ZNF215: variants seen among roughly 807,000 people sequenced by gnomAD.
ZNF215 encodes the protein BWSCR2-associated zinc finger protein 2.
In ZNF215, 24 loss-of-function variants were observed where a neutral mutation model predicts 27.2. The ratio of observed to expected loss-of-function variants is 0.88; its 90% CI spans 0.64 to 1.24. The LOEUF (loss-of-function observed/expected upper bound fraction) is 1.24. Ranked by LOEUF, ZNF215 falls within the 50% of genes most tolerant of loss-of-function variation. The pLI, the probability that ZNF215 is intolerant of heterozygous loss-of-function variation, is 0.00. For missense variants in ZNF215, 675 were observed against 605.7 expected (o/e 1.11, Z -1.20); for synonymous variants, 210 against 204.0 (o/e 1.03, Z -0.25).
chr11:6,966,541 G>A (rs887790147), intron 5 of ZNF215, among the ~76,000 whole-genome samples: 61 of 152,112 alleles, frequency 4.0e-4, no homozygotes, highest in Non-Finnish European at 4.4e-4. Context: ...GGAATCTATA[G>A]GCATAATATT....
intron 6 of ZNF215, among the ~76,000 whole-genome samples, chr11:6,994,063 C>T (rs1851150327): frequency 6.6e-6 from 1 of 152,060 alleles, no homozygotes; most frequent in African/African-American, 2.4e-5. Flanking sequence ...TTCCTAAGTA[C>T]AAGAGGGCTG....
intron 5 of ZNF215, among the ~76,000 whole-genome samples, chr11:6,982,195 G>A (rs1232522520): frequency 5.3e-5 from 8 of 151,842 alleles, no homozygotes; most frequent in Non-Finnish European, 1.5e-5. Flanking sequence ...TAAATTACCC[G>A]GGGCAGTATG....
chr11:6,948,509 G>C (rs542468456), intron 6 of ZNF215, among the ~76,000 whole-genome samples: 1 of 152,108 alleles, frequency 6.6e-6, no homozygotes, highest in Non-Finnish European at 1.5e-5. Context: ...GAAAAGCAAA[G>C]ACTCAAAAAT....
chr11:6,971,382 C>T lies in ZNF215; in HGVS notation c.806-12747C>T, dbSNP rs891867682. Among the ~76,000 whole-genome samples, 9 of 152,086 alleles carry T rather than the reference C, an allele frequency of 5.9e-5. No individual in the cohort carries two copies. In the East Asian group the frequency reaches 1.7e-3, roughly 29 times the overall value. On this transcript the variant is annotated intron_variant, in intron 5 of 5. Coordinates refer to the ZNF215 transcript ENST00000529903. Reference sequence around the variant, plus strand: ...GTTGCTCCTTTGCATTTACATAGTTCTTTGGGCTAGCTTGTATTACAGTCT... The same window carrying T: ...GTTGCTCCTTTGCATTTACATAGTTTTTTGGGCTAGCTTGTATTACAGTCT...
rs541367410 is a variant in ZNF215 at position 6,943,108 on chromosome 11, T to C, written c.509T>C (p.Val170Ala). The C allele has an allele frequency of 6.2e-7, 1 of 1,613,730 alleles. No individual in the cohort carries two copies. The highest frequency in any genetic ancestry group is 8.5e-7 in the Non-Finnish European group (1 of 1,179,866). ...GAACCAGTGACATTCAAAGATGTGG[T>C]TGTGGAATTCAGCAAGGAAGAGTGG... ...PQEPVTFKDV[V>A]VEFSKEEWGQ... Residue 170 changes from valine to alanine, a missense_variant, in exon 5 of 7, where the codon GTT becomes GCT. By Grantham distance (64) the Val-to-Ala change is moderately conservative (BLOSUM62 0). Coordinates refer to ENST00000278319, the MANE Select transcript of ZNF215 (RefSeq NM_013250.4).
chr11:6,989,423 T>C (rs1851095172), downstream of ZNF215, among the ~76,000 whole-genome samples: 2 of 152,142 alleles, frequency 1.3e-5, no homozygotes, highest in Non-Finnish European at 2.9e-5. Flanking sequence ...GCTTCTGATA[T>C]ACTACTAGGC....
intron 6 of ZNF215, among the ~76,000 whole-genome samples, chr11:6,945,517 T>G (rs756018254): frequency 6.6e-6 from 1 of 152,220 alleles, no homozygotes; most frequent in Non-Finnish European, 1.5e-5. Context: ...GACATTCACC[T>G]GAAACAGTTG....
chr11:6,968,432 C>T (rs945929849), intron 5 of ZNF215, among the ~76,000 whole-genome samples: 13 of 151,920 alleles, frequency 8.6e-5, no homozygotes, highest in Admixed American at 7.2e-4. Flanking sequence ...GAATATTTTT[C>T]CATTTGTTTG....
In ZNF215 at chr11:6,943,655, A is replaced by G; in HGVS notation, c.712+14A>G. 2 of 1,577,364 alleles carry G rather than the reference A, an allele frequency of 1.3e-6. No individual in the cohort carries two copies. Among genetic ancestry groups the G allele is most frequent in the Non-Finnish European group, 1.7e-6 (2 of 1,147,558 alleles). The stretch of plus-strand genomic sequence containing the variant: ...AGACTATTTTTGGTAAGAACCAGGT[A>G]GATATGAGGCCATAGTAAGAAGCTT... On this transcript the variant is annotated intron_variant, in intron 6 of 6. Coordinates refer to ENST00000278319, the MANE Select transcript of ZNF215 (RefSeq NM_013250.4).
intron 5 of ZNF215, among the ~76,000 whole-genome samples, chr11:6,976,789 GTA>G (rs1013474708): frequency 6.6e-6 from 1 of 152,042 alleles, no homozygotes; most frequent in Non-Finnish European, 1.5e-5. Flanking sequence ...AAATACACAT[GTA>G]TATGTTTTCT....
intron 5 of ZNF215, among the ~76,000 whole-genome samples, chr11:6,979,861 T>C (rs913646463): frequency 1.3e-5 from 2 of 152,126 alleles, no homozygotes; most frequent in Admixed American, 1.3e-4. Flanking sequence ...AAATAAAACC[T>C]ACGTGACAGC....
At chr11:6,988,735 T>C (rs1851086722), downstream of ZNF215, 1 of 152,190 alleles carries the variant, frequency 6.6e-6, no homozygotes, top group South Asian at 2.1e-4. Flanking sequence ...TCATTAGGCT[T>C]CCTGGGGTTT....
chr11:6,989,786 A>C (rs557787672), downstream of ZNF215, among the ~76,000 whole-genome samples: 387 of 152,262 alleles, frequency 2.5e-3, 1 homozygote, highest in African/African-American at 8.8e-3. Context: ...ATCTGGTTCA[A>C]TTTTTATGTA....
At chr11:6,928,166 A>G (rs948868024) in intron 2 of ZNF215, among the ~76,000 whole-genome samples, 4 of 151,916 alleles carry the variant, frequency 2.6e-5, no homozygotes, top group African/African-American at 9.7e-5. Flanking sequence ...TTTATCAAGG[A>G]TTTTCTATTT....
intron 3 of ZNF215, among the ~76,000 whole-genome samples, chr11:6,933,666 G>A: frequency 6.6e-6 from 1 of 151,890 alleles, no homozygotes; most frequent in East Asian, 1.9e-4. Flanking sequence ...TGGTGGGCGG[G>A]CACCTGTAGT....
chr11:6,985,842 T>C (rs1000246837), downstream of ZNF215, among the ~76,000 whole-genome samples: 1 of 151,960 alleles, frequency 6.6e-6, no homozygotes, highest in African/African-American at 2.4e-5. Context: ...AGGTGAAGAA[T>C]CTCTACAAGG....
In ZNF215 at chr11:6,957,291, C is replaced by G; in HGVS notation, c.*760C>G. 1 of 631,704 alleles carries G rather than the reference C, an allele frequency of 1.6e-6. No individual in the cohort carries two copies. The highest frequency in any genetic ancestry group is 2.0e-6 in the Non-Finnish European group (1 of 507,004). 39.1% of individuals were successfully genotyped at this position (631,704 alleles called of 1,614,324 possible). A position where few individuals can be genotyped will look rare whatever the true frequency, so the allele number is the denominator to read the frequency against. Reference sequence around the variant, plus strand: ...ACTGTGTGGAGTTCGCACACTCTCCCTATGTCTCCGGGTGCTCCAGTTTCA... The same window carrying G: ...ACTGTGTGGAGTTCGCACACTCTCCGTATGTCTCCGGGTGCTCCAGTTTCA... On this transcript the variant is annotated 3_prime_UTR_variant, in exon 7 of 7. Transcript: ENST00000278319.
At chr11:6,972,028 G>A (rs1188257587) in intron 5 of ZNF215, among the ~76,000 whole-genome samples, 2 of 151,980 alleles carry the variant, frequency 1.3e-5, no homozygotes, top group Non-Finnish European at 2.9e-5. Flanking sequence ...TTTTTTCCCT[G>A]TACTACTCAG....
downstream of ZNF215, chr11:6,988,619 A>G (rs1187749467): frequency 6.6e-6 from 1 of 152,168 alleles, no homozygotes; most frequent in Non-Finnish European, 1.5e-5. Flanking sequence ...TAGGTGTCCT[A>G]TCACACTGAA....
Sources: gnomAD v4.1 joint callset for allele counts (sites outside exome capture counted in the v4.1 genomes callset) on GRCh38, gnomAD v4.1.1 for gene constraint, MANE v1.5 for transcripts, NCBI Gene and HGNC (gene_info 2026-07-23, HGNC 2026-07-21) for gene names.